Variants in DDX21 observed in about 807,000 individuals in gnomAD.
DDX21 encodes DExD-box helicase 21.
Under a neutral mutation model 90.0 loss-of-function variants are expected in DDX21, and 18 were observed. The ratio of observed to expected loss-of-function variants is 0.20; its 90% CI spans 0.14 to 0.30. DDX21 has a LOEUF of 0.30. Among genes scored for constraint, DDX21 ranks in the 10% least tolerant of loss-of-function variants. The pLI is 1.00. For synonymous variants in DDX21, 294 were observed against 318.0 expected (o/e 0.92, Z 0.80); for missense variants, 673 against 944.5 (o/e 0.71, Z 3.77).
In DDX21 at chr10:68,983,062, C is replaced by A; in HGVS notation, c.*250C>A. 1.9e-6 allele frequency: 1 copy of A among 538,550 alleles called. No homozygotes were observed. Among genetic ancestry groups the A allele is most frequent in the Non-Finnish European group, 3.3e-6 (1 of 306,550 alleles). 33.4% of individuals were successfully genotyped at this position (538,550 alleles called of 1,614,324 possible). ...TGTATGAATTCATTACATTTTTATT[C>A]TAATGTATTATCTGTAGATTAGAAG... On this transcript the variant is annotated 3_prime_UTR_variant, in exon 15 of 15. Coordinates refer to ENST00000354185, the MANE Select transcript of DDX21 (RefSeq NM_004728.4).
At chr10:68,963,819 A>G (rs1223975957) in intron 4 of DDX21, among the ~76,000 whole-genome samples, 1 of 152,086 alleles carries the variant, frequency 6.6e-6, no homozygotes, top group Non-Finnish European at 1.5e-5. Flanking sequence ...GTAGAAAAGC[A>G]TGAATGGGCG....
At chr10:68,968,561 C>T (rs1842974390) in intron 6 of DDX21, among the ~76,000 whole-genome samples, 1 of 152,216 alleles carries the variant, frequency 6.6e-6, no homozygotes, top group Non-Finnish European at 1.5e-5. Context: ...CAGAAGGGTT[C>T]TATCACACTT....
In DDX21 at chr10:68,969,072, A is replaced by G; in HGVS notation, c.1187A>G (p.Gln396Arg). The change falls in exon 7 of 15, where the codon CAG becomes CGG. Residue 396 changes from glutamine to arginine, a missense_variant. Coordinates refer to ENST00000354185, the MANE Select transcript of DDX21 (RefSeq NM_004728.4). ...AAATACATGAAATCTACATATGAAC[A>G]GGTGGACCTGATTGGTAAAAAGACT... is the stretch of plus-strand genomic sequence containing the variant. ...AKKYMKSTYE[Q>R]VDLIGKKTQK... The G allele has an allele frequency of 1.2e-6, 2 of 1,613,914 alleles. No individual in the cohort carries two copies. The highest frequency in any genetic ancestry group is 1.7e-6 in the Non-Finnish European group (2 of 1,179,980).
chr10:68,957,674 C>T (rs1365500503), intron 1 of DDX21, among the ~76,000 whole-genome samples: 1 of 152,146 alleles, frequency 6.6e-6, no homozygotes, highest in Non-Finnish European at 1.5e-5. Flanking sequence ...CAAAAGAGAC[C>T]ACCAGGATGG....
chr10:68,970,473 G>T, intron 8 of DDX21, 123 bp downstream of exon 8: 2 of 909,178 alleles, frequency 2.2e-6, no homozygotes, highest in East Asian at 3.1e-5. Context: ...GTTTAGAAAT[G>T]AGAGGAAGCT....
intron 2 of DDX21, among the ~76,000 whole-genome samples, chr10:68,961,006 A>G (rs1329253730): frequency 6.6e-6 from 1 of 152,210 alleles, no homozygotes; most frequent in Non-Finnish European, 1.5e-5. Flanking sequence ...CCATTAAGTA[A>G]TCATCCTGGA....
At chr10:68,974,285 G>T (rs187087857) in intron 10 of DDX21, among the ~76,000 whole-genome samples, 2 of 152,268 alleles carry the variant, frequency 1.3e-5, no homozygotes, top group Non-Finnish European at 2.9e-5. Context: ...GTAACCCTGA[G>T]CATGAGGAAA....
rs1843236209 is a variant in DDX21 at position 68,984,207 on chromosome 10, T to C, written c.*1395T>C. The C allele has an allele frequency of 6.6e-6, 1 of 152,254 alleles. No individual in the cohort carries two copies. The highest frequency in any genetic ancestry group is 2.1e-4 in the South Asian group (1 of 4,832). The allele number at this position is 152,254 out of a possible 1,614,324, so 9.4% of individuals were successfully genotyped here. ...CTATGCTAGGAAATTTAAAGCTGCA[T>C]GGTCTGTCTTGTTTTCATTTAATTA... On this transcript the variant is annotated 3_prime_UTR_variant, in exon 15 of 15. Coordinates refer to ENST00000354185, the MANE Select transcript of DDX21 (RefSeq NM_004728.4).
intron 11 of DDX21, 65 bp from the exon 12 acceptor site, chr10:68,977,464 A>T (rs1589288893): frequency 7.0e-7 from 1 of 1,419,336 alleles, no homozygotes; most frequent in East Asian, 2.3e-5. Flanking sequence ...TTATCTTGAG[A>T]TGTCTTAGAA....
chr10:68,967,255 A>G (rs1190222252), intron 6 of DDX21, 52 bp downstream of exon 6: 3 of 1,553,192 alleles, frequency 1.9e-6, no homozygotes, highest in East Asian at 2.3e-5. Context: ...AAGGGTGGTA[A>G]CTCTGTCTCC....
chr10:68,982,949 C>G lies in DDX21; in HGVS notation c.*137C>G. On this transcript the variant is annotated 3_prime_UTR_variant, in exon 15 of 15. Coordinates refer to ENST00000354185, the MANE Select transcript of DDX21 (RefSeq NM_004728.4). ...GCCAAGTCCCTGTCTCTTTCAGACA[C>G]AGACAAGCTTCATTTAAATTATTTC... The G allele has an allele frequency of 9.7e-7, 1 of 1,033,400 alleles. No homozygotes were observed. Among genetic ancestry groups the G allele is most frequent in the Non-Finnish European group, 1.4e-6 (1 of 720,884 alleles). The allele number at this position is 1,033,400 out of a possible 1,614,324, so 64.0% of individuals were successfully genotyped here.
intron 12 of DDX21, 60 bp downstream of exon 12, chr10:68,977,748 A>G: frequency 1.3e-6 from 2 of 1,483,584 alleles, no homozygotes; most frequent in Non-Finnish European, 1.8e-6. Context: ...AGGATATGAA[A>G]GGGTTTCATT....
chr10:68,971,124 T>C (rs1423108739), intron 8 of DDX21, among the ~76,000 whole-genome samples: 2 of 151,996 alleles, frequency 1.3e-5, no homozygotes, highest in Non-Finnish European at 2.9e-5. Context: ...ATTATTGATA[T>C]AATTCATGTG....
Position 68,982,787 on chromosome 10 carries a change from G to C in DDX21, c.2327G>C (p.Ser776Thr). ...TCCCAAAACAAAGGCCAGAAGCGGA[G>C]TTTCAGTAAAGCATTTGGTCAATAA... ...NRSQNKGQKR[S>T]FSKAFGQ The change falls in exon 15 of 15, where the codon AGT becomes ACT. Residue 776 changes from serine to threonine, a missense_variant. By Grantham distance (58) the Ser-to-Thr change is moderately conservative. This residue lies in a region of DDX21 where 225 missense variants were observed against 298.8 expected (regional missense o/e 0.75). Coordinates refer to ENST00000354185, the MANE Select transcript of DDX21 (RefSeq NM_004728.4). The C allele has an allele frequency of 6.2e-7, 1 of 1,614,148 alleles. No homozygotes were observed. Among genetic ancestry groups the C allele is most frequent in the African/African-American group, 1.3e-5 (1 of 75,040 alleles).
chr10:68,962,009 T>A, intron 2 of DDX21, 73 bp from the exon 3 acceptor site: 1 of 1,223,246 alleles, frequency 8.2e-7, no homozygotes, highest in Non-Finnish European at 1.2e-6. Flanking sequence ...TTGTTTTGTC[T>A]CTTTCTCAGA....
intron 5 of DDX21, among the ~76,000 whole-genome samples, chr10:68,966,419 A>T (rs927883521): frequency 6.7e-6 from 1 of 149,000 alleles, no homozygotes; most frequent in Non-Finnish European, 1.5e-5. Flanking sequence ...AGTAGTGCAT[A>T]TTTCTTTCTT....
rs192931654 is a variant in DDX21, at chr10:68,971,219, G to A, written c.1387-672G>A. 1.9e-3 allele frequency among the ~76,000 whole-genome samples: 285 copies of A among 151,236 alleles called. 1 individual carries two copies. The highest frequency in any genetic ancestry group is 2.8e-3 in the Non-Finnish European group (187 of 67,778). ...TGCCACAGTCACCACTATCTAATTG[G>A]GAAGACTTTTTTTATCTTCAACTTT... On this transcript the variant is annotated intron_variant, in intron 8 of 14. Transcript: ENST00000354185.
chr10:68,964,186 G>A lies in DDX21; in HGVS notation c.786+717G>A, dbSNP rs1055282570. On this transcript the variant is annotated intron_variant, in intron 4 of 14. Transcript: ENST00000354185. Reference sequence around the variant, plus strand: ...ACGCCAAGCCCCCATATTAGGGTGAGTCCATTGGGTTCATTTCTAGAGAAC... The same window carrying A: ...ACGCCAAGCCCCCATATTAGGGTGAATCCATTGGGTTCATTTCTAGAGAAC... The A allele has an allele frequency of 1.6e-5, 6 of 379,610 alleles. No individual in the cohort carries two copies. In the Admixed American group the frequency reaches 1.8e-4, roughly 12 times the overall value. The allele number at this position is 379,610 out of a possible 1,614,324, so 23.5% of individuals were successfully genotyped here.
At chr10:68,972,227 C>T (rs1843036619) in intron 9 of DDX21, among the ~76,000 whole-genome samples, 175 bp downstream of exon 9, 1 of 152,140 alleles carries the variant, frequency 6.6e-6, no homozygotes, top group Admixed American at 6.5e-5. Context: ...TCAGAACTGA[C>T]ACTTGAGTAG....
Sources: gnomAD v4.1 joint callset for allele counts (sites outside exome capture counted in the v4.1 genomes callset) on GRCh38, gnomAD v4.1.1 for gene constraint, gnomAD v4.1.1 regional missense constraint, MANE v1.5 for transcripts, NCBI Gene and HGNC (gene_info 2026-07-23, HGNC 2026-07-21) for gene names.